The following IFT52 variants were observed in gnomAD, a reference collection of about 807,000 sequenced individuals.
IFT52 encodes intraflagellar transport protein 52 homolog.
Under a neutral mutation model 54.4 loss-of-function variants are expected in IFT52, and 44 were observed. The observed-to-expected ratio is 0.81, with a 90% CI of 0.63 to 1.04. The LOEUF (loss-of-function observed/expected upper bound fraction) is 1.04. Ranked by LOEUF, IFT52 falls within the 50% of genes least tolerant of loss-of-function variation. The pLI, the probability that IFT52 is intolerant of heterozygous loss-of-function variation, is 0.00. For missense variants in IFT52, 452 were observed against 523.6 expected (o/e 0.86, Z 1.33); for synonymous variants, 181 against 185.3 (o/e 0.98, Z 0.19).
chr20:43,624,559 CG>C (rs1397056866), intron 10 of IFT52, among the ~76,000 whole-genome samples: 1 of 152,022 alleles, frequency 6.6e-6, no homozygotes, highest in Non-Finnish European at 1.5e-5. Context: ...TTAGGGAAGC[CG>C]TGGGATGGGA....
At chr20:43,603,351 C>T (rs1349490610) in intron 3 of IFT52, among the ~76,000 whole-genome samples, 14 of 152,136 alleles carry the variant, frequency 9.2e-5, no homozygotes, top group Admixed American at 9.2e-4. Flanking sequence ...TGGTTCTTAA[C>T]TAGGGGTGAT....
At chr20:43,630,656 C>T (rs939281416) in intron 10 of IFT52, among the ~76,000 whole-genome samples, 1 of 152,196 alleles carries the variant, frequency 6.6e-6, no homozygotes, top group Admixed American at 6.5e-5. Context: ...TGTGGAGTCC[C>T]TGCCCTTAGA....
chr20:43,624,144 T>G (rs1984551184), intron 10 of IFT52, 99 bp downstream of exon 10: 1 of 1,262,870 alleles, frequency 7.9e-7, no homozygotes, highest in Admixed American at 1.9e-5. Flanking sequence ...ACAGTAAATG[T>G]GGCATGCAGA....
intron 11 of IFT52, 101 bp downstream of exon 11, chr20:43,636,114 C>A: frequency 1.8e-6 from 2 of 1,096,778 alleles, no homozygotes; most frequent in African/African-American, 1.5e-5. Flanking sequence ...CCATTTGTGG[C>A]ACTCCTTGTG....
chr20:43,601,810 G>A (rs986653841), intron 3 of IFT52, among the ~76,000 whole-genome samples: 1 of 152,194 alleles, frequency 6.6e-6, no homozygotes, highest in Non-Finnish European at 1.5e-5. Context: ...GAAGGAAAAG[G>A]AAGATGAATT....
rs371985214 is a variant in IFT52, at chr20:43,600,494, T to C, written c.208-3266T>C. Among the ~76,000 whole-genome samples, 29 of 152,006 alleles carry C rather than the reference T, an allele frequency of 1.9e-4. No homozygotes were observed. In the East Asian group the frequency reaches 2.1e-3, roughly 11 times the overall value. On this transcript the variant is annotated intron_variant, in intron 3 of 13. Transcript: ENST00000373030. ...TAATTTTTTGTATTTTTAGTAGAGA[T>C]GGGGTTTCACCGTGTTAGCCAGGGT...
chr20:43,601,471 T>A (rs1982436823), intron 3 of IFT52, among the ~76,000 whole-genome samples: 1 of 152,254 alleles, frequency 6.6e-6, no homozygotes, highest in South Asian at 2.1e-4. Flanking sequence ...AGCTGGAAAC[T>A]GGGTCATAAT....
At position 43,628,847 on chromosome 20, in the gene IFT52, T is replaced by TC. The variant is rs1046992853; in HGVS notation, c.923+4804dup. Reference sequence around the variant, plus strand: ...GCCTGGGCGACAGGCAGAGCGAGACTCCATCTCAAAAAAAAAAAATTGCCA... The same window carrying TC: ...GCCTGGGCGACAGGCAGAGCGAGACTCCCATCTCAAAAAAAAAAAATTGCCA... On this transcript the variant is annotated intron_variant, in intron 10 of 13. Transcript: ENST00000373030. Among the ~76,000 whole-genome samples the TC allele has an allele frequency of 3.1e-5, 3 of 96,808 alleles. No homozygotes were observed. The Admixed American group carries it at 3.8e-4, about 12-fold the overall frequency. 63.5% of individuals were successfully genotyped at this position (96,808 alleles called of 152,430 possible). A position where few individuals can be genotyped will look rare whatever the true frequency, so the allele number is the denominator to read the frequency against.
chr20:43,617,848 C>A (rs1461783847), intron 7 of IFT52, among the ~76,000 whole-genome samples: 1 of 151,974 alleles, frequency 6.6e-6, no homozygotes, highest in African/African-American at 2.4e-5. Flanking sequence ...TTCAAGCAAT[C>A]CTCCCGCCAC....
At chr20:43,612,202 C>G (rs1275454110) in intron 6 of IFT52, among the ~76,000 whole-genome samples, 1 of 152,034 alleles carries the variant, frequency 6.6e-6, no homozygotes, top group South Asian at 2.1e-4. Flanking sequence ...CTTTTTCTTC[C>G]TCCATGGACA....
rs540661207 is a variant in IFT52 at position 43,626,552 on chromosome 20, T to A, written c.923+2507T>A. Among the ~76,000 whole-genome samples, 9 of 152,246 alleles carry A rather than the reference T, an allele frequency of 5.9e-5. No individual in the cohort carries two copies. In the South Asian group the frequency reaches 1.9e-3, roughly 32 times the overall value. On this transcript the variant is annotated intron_variant, in intron 10 of 13. Coordinates refer to ENST00000373030, the MANE Select transcript of IFT52 (RefSeq NM_016004.5). ...TGAGCCACAGCACCTGGACCTATTTTCAAATCTATAAAATCAGGATGAATC... is the reference window on the plus strand; with the variant it reads ...TGAGCCACAGCACCTGGACCTATTTACAAATCTATAAAATCAGGATGAATC...
At chr20:43,627,875 G>A (rs1260293792) in intron 10 of IFT52, among the ~76,000 whole-genome samples, 5 of 144,034 alleles carry the variant, frequency 3.5e-5, no homozygotes, top group East Asian at 2.1e-4. Flanking sequence ...CCTGGCCTTC[G>A]CTTTTATTTT....
chr20:43,597,401 T>A (rs1407242694), intron 3 of IFT52, among the ~76,000 whole-genome samples: 7 of 146,964 alleles, frequency 4.8e-5, no homozygotes, highest in African/African-American at 1.8e-4. Context: ...AAATAGGAAT[T>A]CATTTAAAAT....
intron 3 of IFT52, among the ~76,000 whole-genome samples, chr20:43,598,288 G>C (rs2145587718): frequency 6.6e-6 from 1 of 152,328 alleles, no homozygotes; most frequent in African/African-American, 2.4e-5. Flanking sequence ...GGTTGCCAGG[G>C]CCTGGGGGAG....
intron 10 of IFT52, among the ~76,000 whole-genome samples, chr20:43,628,363 G>C (rs191529792): frequency 6.6e-6 from 1 of 152,288 alleles, no homozygotes; most frequent in South Asian, 2.1e-4. Flanking sequence ...GTTTTGTGGC[G>C]CTGCAGTTGG....
intron 10 of IFT52, among the ~76,000 whole-genome samples, chr20:43,631,955 C>T (rs1327329348): frequency 5.5e-5 from 8 of 146,554 alleles, no homozygotes; most frequent in Admixed American, 1.4e-4. Context: ...GACAGAGTTT[C>T]GCTCTTGTTG....
intron 9 of IFT52, among the ~76,000 whole-genome samples, chr20:43,622,743 T>TA (rs1323448564): frequency 2.3e-5 from 3 of 130,804 alleles, no homozygotes; most frequent in African/African-American, 9.0e-5. Context: ...ATACATATTT[T>TA]TATGTAAATA....
chr20:43,634,455 A>T (rs981738837), intron 10 of IFT52, among the ~76,000 whole-genome samples: 1 of 152,218 alleles, frequency 6.6e-6, no homozygotes, highest in African/African-American at 2.4e-5. Flanking sequence ...TCTGAAACAG[A>T]CAGAAACTAG....
chr20:43,599,850 C>T (rs558084247), intron 3 of IFT52, among the ~76,000 whole-genome samples: 2 of 152,246 alleles, frequency 1.3e-5, no homozygotes, highest in South Asian at 2.1e-4. Flanking sequence ...CAGGTAACCA[C>T]GTGGCTGAGA....
Sources: allele counts gnomAD v4.1 joint callset (sites outside exome capture counted in the v4.1 genomes callset), GRCh38; gene constraint gnomAD v4.1.1; transcripts MANE v1.5; gene names NCBI Gene and HGNC (gene_info 2026-07-23, HGNC 2026-07-21).